FAT3: variants seen among roughly 807,000 people sequenced by gnomAD.
The protein encoded by FAT3 is FAT atypical cadherin 3, also known as protocadherin Fat 3.
Under a neutral mutation model 310.2 loss-of-function variants are expected in FAT3, and 95 were observed. The ratio of observed to expected loss-of-function variants is 0.31; its 90% CI spans 0.26 to 0.36. The LOEUF (loss-of-function observed/expected upper bound fraction) is 0.36, where lower values mean the gene tolerates loss of function less well. FAT3 is among the 10% of genes least tolerant of loss of function. The pLI is 1.00. For missense variants in FAT3, 5,408 were observed against 5,715.6 expected (o/e 0.95, Z 1.74); for synonymous variants, 2,314 against 2,192.9 (o/e 1.06, Z -1.54).
At position 92,806,454 on chromosome 11, in the gene FAT3, A is replaced by G. The variant is rs780692168; in HGVS notation, c.9186A>G (p.Gly3062=). The G allele has an allele frequency of 1.3e-5, 20 of 1,577,858 alleles. 1 individual carries two copies. The Admixed American group carries it at 3.5e-4, about 28-fold the overall frequency. The change falls in exon 12 of 28, where the codon GGA becomes GGG. Residue 3062 remains glycine (G), a synonymous_variant. Coordinates refer to ENST00000525166, the MANE Select transcript of FAT3 (RefSeq NM_001367949.2). ...SAKDADIGSN[G]YIRYSLYGSG... Reference sequence around the variant, plus strand: ...AGGATGCTGATATTGGATCCAATGGATATATACGATACTCACTCTATGGAT... The same window carrying G: ...AGGATGCTGATATTGGATCCAATGGGTATATACGATACTCACTCTATGGAT...
chr11:92,597,869 G>C (rs1565444633), intron 3 of FAT3, among the ~76,000 whole-genome samples: 3 of 152,186 alleles, frequency 2.0e-5, no homozygotes, highest in African/African-American at 7.2e-5. Flanking sequence ...TAAAAGATCT[G>C]TATTTCATTT....
rs547079012 is a variant in FAT3, at chr11:92,651,779, G to A, written c.3608-45605G>A. ...TGTGTAGGGAATGCGAATCCACCAGGTCACCATTTGTCTCTGTTAGACCAT... is the reference window on the plus strand; with the variant it reads ...TGTGTAGGGAATGCGAATCCACCAGATCACCATTTGTCTCTGTTAGACCAT... On this transcript the variant is annotated intron_variant, in intron 3 of 27. Transcript: ENST00000525166. 2.0e-5 allele frequency among the ~76,000 whole-genome samples: 3 copies of A among 152,054 alleles called. No individual in the cohort carries two copies. In the East Asian group the frequency reaches 5.8e-4, roughly 29 times the overall value.
At chr11:92,397,186 C>A (rs1481962821) in intron 2 of FAT3, among the ~76,000 whole-genome samples, 1 of 152,032 alleles carries the variant, frequency 6.6e-6, no homozygotes, top group Non-Finnish European at 1.5e-5. Flanking sequence ...TAACAAAATC[C>A]TTTTTGGTTT....
At chr11:92,255,410 A>T (rs1030965958) in intron 1 of FAT3, among the ~76,000 whole-genome samples, 1 of 151,488 alleles carries the variant, frequency 6.6e-6, no homozygotes, top group South Asian at 2.1e-4. Flanking sequence ...ACATTTGTCT[A>T]CCTCATTGGA....
At position 92,880,735 on chromosome 11, in the gene FAT3, T is replaced by G; in HGVS notation, c.12132T>G (p.Tyr4044Ter). 1 of 1,612,908 alleles carries G rather than the reference T, an allele frequency of 6.2e-7. No homozygotes were observed. The highest frequency in any genetic ancestry group is 8.5e-7 in the Non-Finnish European group (1 of 1,179,414). ...TGAGGTCCTCTGTTTCCCCAGGCTA[T>G]CAGTGTACCTGTCTCTCACAGTTTA... ...GSCTGLPSGG[Y>*]QCTCLSQFTG... The change falls in exon 23 of 28, where the codon TAT becomes TAG. Residue 4044 changes from tyrosine (Y) to a stop codon, truncating the protein, a stop_gained. Coordinates refer to ENST00000525166, the MANE Select transcript of FAT3 (RefSeq NM_001367949.2). LOFTEE classifies it high-confidence loss of function.
intron 4 of FAT3, among the ~76,000 whole-genome samples, chr11:92,749,988 G>T (rs1224328218): frequency 6.6e-6 from 1 of 152,124 alleles, no homozygotes. Flanking sequence ...AATATCTTTA[G>T]GTAAAGGGAA....
intron 3 of FAT3, among the ~76,000 whole-genome samples, chr11:92,620,915 T>G (rs1198078123): frequency 1.3e-5 from 2 of 152,314 alleles, no homozygotes; most frequent in South Asian, 2.1e-4. Context: ...AGCTGTCTTT[T>G]TGTTATGTCC....
chr11:92,705,346 GATGATGGTAGT>G (rs1255712621), intron 4 of FAT3, among the ~76,000 whole-genome samples: 2 of 146,484 alleles, frequency 1.4e-5, no homozygotes, highest in Admixed American at 6.8e-5. Context: ...TGGTGGTGGT[GATGATGGTAGT>G]GTGATGGTGT....
chr11:92,890,618 T>G lies in FAT3; in HGVS notation c.13275T>G (p.Asp4425Glu), dbSNP rs2136444017. 1 of 1,613,716 alleles carries G rather than the reference T, an allele frequency of 6.2e-7. No individual in the cohort carries two copies. Among genetic ancestry groups the G allele is most frequent in the Non-Finnish European group, 8.5e-7 (1 of 1,179,830 alleles). Residue 4425 changes from aspartate to glutamate, a missense_variant, in exon 28 of 28, where the codon GAT becomes GAG. Physicochemically the swap from Asp to Glu is conservative, Grantham distance 45 (BLOSUM62 2). Transcript: ENST00000525166. ...GGAGCACACGGGAGCTGGAGAGCGA[T>G]TACTACCTGGGTGGTTATGACATTG... ...HQGSTRELES[D>E]YYLGGYDIDS...
At chr11:92,801,980 G>A in intron 10 of FAT3, 71 bp downstream of exon 10, 1 of 1,410,940 alleles carries the variant, frequency 7.1e-7, no homozygotes, top group Non-Finnish European at 9.7e-7. Context: ...GCGGGGAGAA[G>A]AGTAAGAGAG....
intron 4 of FAT3, among the ~76,000 whole-genome samples, chr11:92,701,179 G>C (rs962629620): frequency 1.4e-4 from 21 of 152,160 alleles, no homozygotes; most frequent in South Asian, 2.1e-4. Flanking sequence ...AAATAAAATT[G>C]ACTCTTCTTG....
intron 19 of FAT3, among the ~76,000 whole-genome samples, chr11:92,848,964 C>T (rs1163760307): frequency 6.6e-6 from 1 of 152,212 alleles, no homozygotes; most frequent in Non-Finnish European, 1.5e-5. Context: ...GTGTGCAATT[C>T]AGTGCACGGA....
intron 3 of FAT3, among the ~76,000 whole-genome samples, chr11:92,532,105 A>T (rs1170206424): frequency 1.3e-5 from 2 of 152,170 alleles, no homozygotes; most frequent in East Asian, 3.9e-4. Context: ...GACAATTGAG[A>T]TGTGATGGCA....
intron 4 of FAT3, among the ~76,000 whole-genome samples, chr11:92,707,290 C>A (rs1017687390): frequency 1.3e-5 from 2 of 152,226 alleles, no homozygotes; most frequent in African/African-American, 4.8e-5. Context: ...GCTCTGCTCA[C>A]CCATGGTGCA....
chr11:92,734,310 C>G (rs1307355789), intron 4 of FAT3, among the ~76,000 whole-genome samples: 1 of 152,172 alleles, frequency 6.6e-6, no homozygotes, highest in African/African-American at 2.4e-5. Flanking sequence ...GTATCCAGCA[C>G]TGGCTTAGAC....
chr11:92,417,679 G>A (rs1002921336), intron 2 of FAT3, among the ~76,000 whole-genome samples: 1 of 152,170 alleles, frequency 6.6e-6, no homozygotes, highest in African/African-American at 2.4e-5. Context: ...CAGAGCCATA[G>A]CATGGGCAAA....
chr11:92,784,585 A>T lies in FAT3; in HGVS notation c.4336-5358A>T, dbSNP rs116594439. On this transcript the variant is annotated intron_variant, in intron 7 of 27. Transcript: ENST00000525166. ...GAAACCAGCTCTGAAGAGATTTCCT[A>T]TATTCGGGTTTCCTCCTGCTTTGAT... Among the ~76,000 whole-genome samples the T allele has an allele frequency of 8.1e-3, 1,238 of 152,290 alleles. 30 individuals carry two copies. The highest frequency in any genetic ancestry group is 0.028 in the African/African-American group (1,175 of 41,560).
At chr11:92,828,986 C>A (rs879879653) in intron 13 of FAT3, among the ~76,000 whole-genome samples, 1 of 152,190 alleles carries the variant, frequency 6.6e-6, no homozygotes, top group Non-Finnish European at 1.5e-5. Flanking sequence ...AGAGCGGCAG[C>A]GTGCAAATCC....
At position 92,486,130 on chromosome 11, in the gene FAT3, GTT is replaced by G. The variant is rs71064714; in HGVS notation, c.3293-38477_3293-38476del. Among the ~76,000 whole-genome samples the G allele has an allele frequency of 1.9e-3, 70 of 37,136 alleles. 2 individuals carry two copies. Among genetic ancestry groups the G allele is most frequent in the African/African-American group, 5.5e-3 (63 of 11,552 alleles). 24.4% of individuals were successfully genotyped at this position (37,136 alleles called of 152,430 possible). On this transcript the variant is annotated intron_variant, in intron 2 of 27. Transcript: ENST00000525166. ...GTGAAATAGAGGAGAGGCTGCTGGG[GTT>G]TTTTTTTTTTTTTTTTTTTTTTTTT...
Sources: gnomAD v4.1 joint callset for allele counts (sites outside exome capture counted in the v4.1 genomes callset) on GRCh38, gnomAD v4.1.1 for gene constraint, MANE v1.5 for transcripts, NCBI Gene and HGNC (gene_info 2026-07-23, HGNC 2026-07-21) for gene names.